Variants in ZNF385D observed in about 807,000 individuals in gnomAD.
ZNF385D encodes the protein zinc finger protein 385D.
In ZNF385D, 15 loss-of-function variants were observed where a neutral mutation model predicts 35.8. That is an observed-to-expected ratio of 0.42 (90% CI 0.28 to 0.64). The LOEUF (loss-of-function observed/expected upper bound fraction) is 0.64, where lower values mean the gene tolerates loss of function less well. ZNF385D is among the 30% of genes least tolerant of loss of function. ZNF385D has a pLI of 0.23. For synonymous variants in ZNF385D, 212 were observed against 186.8 expected (o/e 1.13, Z -1.10); for missense variants, 474 against 494.6 (o/e 0.96, Z 0.39).
chr3:22,316,168 C>T (rs917304098), intron 2 of ZNF385D, among the ~76,000 whole-genome samples: 5 of 152,190 alleles, frequency 3.3e-5, no homozygotes, highest in African/African-American at 1.2e-4. Context: ...GTTTTCCACA[C>T]TCCTGTGATT....
At chr3:21,648,560 G>C (rs1436860761) in intron 2 of ZNF385D, among the ~76,000 whole-genome samples, 2 of 152,148 alleles carry the variant, frequency 1.3e-5, no homozygotes, top group East Asian at 3.8e-4. Context: ...AATCTTCTCT[G>C]TAGTTTTGTT....
chr3:21,803,861 A>G (rs916884919), intron 3 of ZNF385D, among the ~76,000 whole-genome samples: 2 of 152,212 alleles, frequency 1.3e-5, no homozygotes, highest in Non-Finnish European at 2.9e-5. Flanking sequence ...ACAGGTTCCC[A>G]TGGGATAATT....
chr3:21,914,099 T>G (rs769286467), intron 3 of ZNF385D, among the ~76,000 whole-genome samples: 8 of 152,070 alleles, frequency 5.3e-5, no homozygotes, highest in Non-Finnish European at 7.4e-5. Flanking sequence ...GGGAGACACA[T>G]GTAGCCTACA....
chr3:21,826,040 C>A (rs899230976), intron 3 of ZNF385D, among the ~76,000 whole-genome samples: 3 of 152,232 alleles, frequency 2.0e-5, no homozygotes, highest in African/African-American at 4.8e-5. Flanking sequence ...TCCCCTCAAC[C>A]CCCCACCAGT....
intron 4 of ZNF385D, among the ~76,000 whole-genome samples, chr3:21,470,868 A>T (rs1275860012): frequency 6.6e-6 from 1 of 152,108 alleles, no homozygotes; most frequent in Non-Finnish European, 1.5e-5. Flanking sequence ...TACCTTTATA[A>T]ACCTGGAACA....
At chr3:21,553,844 TCTC>T (rs1463847247) in intron 3 of ZNF385D, among the ~76,000 whole-genome samples, 3 of 152,162 alleles carry the variant, frequency 2.0e-5, no homozygotes, top group African/African-American at 7.2e-5. Flanking sequence ...AAAAGAAGCA[TCTC>T]CTCCATGAAA....
chr3:22,100,162 T>C (rs1199343653), intron 3 of ZNF385D, among the ~76,000 whole-genome samples: 51 of 143,492 alleles, frequency 3.6e-4, no homozygotes, highest in African/African-American at 1.4e-3. Flanking sequence ...AGAATGGCAA[T>C]CATTAAAAAG....
Position 22,277,559 on chromosome 3 carries a change from A to G in ZNF385D, c.106+94891T>C, listed in dbSNP as rs369596701. On this transcript the variant is annotated intron_variant, in intron 2 of 5. Coordinates refer to the ZNF385D transcript ENST00000494108. Reference sequence around the variant, plus strand: ...AATAGTATCAAACGAATTAAAGCATAAAGTTTTTATCATGCTATTATAAGA... The same window carrying G: ...AATAGTATCAAACGAATTAAAGCATGAAGTTTTTATCATGCTATTATAAGA... Among the ~76,000 whole-genome samples, 9 of 152,280 alleles carry G rather than the reference A, an allele frequency of 5.9e-5. No homozygotes were observed. In the East Asian group the frequency reaches 1.2e-3, roughly 20 times the overall value.
intron 3 of ZNF385D, among the ~76,000 whole-genome samples, chr3:21,943,458 T>A (rs777686894): frequency 3.3e-5 from 5 of 151,810 alleles, no homozygotes; most frequent in Non-Finnish European, 5.9e-5. Context: ...AGTGACAACA[T>A]CATGGAAAAA....
chr3:22,247,067 T>A (rs553799093), intron 2 of ZNF385D, among the ~76,000 whole-genome samples: 3 of 152,142 alleles, frequency 2.0e-5, no homozygotes, highest in African/African-American at 7.2e-5. Context: ...ACACATGCAG[T>A]TTCACTTGTT....
At chr3:21,824,869 A>G (rs566067609) in intron 3 of ZNF385D, among the ~76,000 whole-genome samples, 1 of 152,334 alleles carries the variant, frequency 6.6e-6, no homozygotes, top group South Asian at 2.1e-4. Context: ...TGGTGGAGAA[A>G]TATTGAATTG....
intron 3 of ZNF385D, among the ~76,000 whole-genome samples, chr3:22,094,282 C>T (rs1576308411): frequency 1.4e-5 from 2 of 147,956 alleles, no homozygotes; most frequent in Admixed American, 1.4e-4. Context: ...TGTATTTATC[C>T]TTGAATGCAC....
At chr3:22,205,399 AG>A (rs1268921965) in intron 2 of ZNF385D, among the ~76,000 whole-genome samples, 1 of 151,890 alleles carries the variant, frequency 6.6e-6, no homozygotes, top group East Asian at 1.9e-4. Flanking sequence ...GAAAAAAAAA[AG>A]AAAACATTTA....
chr3:21,618,613 A>C (rs1351691689), intron 2 of ZNF385D, among the ~76,000 whole-genome samples: 1 of 152,194 alleles, frequency 6.6e-6, no homozygotes, highest in Non-Finnish European at 1.5e-5. Context: ...AATGAGTAAC[A>C]AATATATATT....
At chr3:22,214,329 G>A (rs188405535) in intron 2 of ZNF385D, among the ~76,000 whole-genome samples, 57 of 152,116 alleles carry the variant, frequency 3.7e-4, no homozygotes, top group African/African-American at 1.3e-3. Context: ...TGTCGCCTCA[G>A]GACCCTGTGA....
intron 2 of ZNF385D, among the ~76,000 whole-genome samples, chr3:22,292,552 C>A (rs554444853): frequency 2.0e-4 from 30 of 152,108 alleles, no homozygotes; most frequent in African/African-American, 6.7e-4. Context: ...CTATTTAAAG[C>A]AACATGCCCA....
upstream of ZNF385D, among the ~76,000 whole-genome samples, chr3:21,752,519 G>A (rs994552455): frequency 2.0e-5 from 3 of 152,026 alleles, no homozygotes; most frequent in Non-Finnish European, 2.9e-5. Flanking sequence ...TCATAATAAC[G>A]GCTTTCTGTG....
intron 2 of ZNF385D, among the ~76,000 whole-genome samples, chr3:22,235,809 T>G (rs1213013847): frequency 1.3e-5 from 2 of 151,942 alleles, no homozygotes; most frequent in Non-Finnish European, 2.9e-5. Context: ...CTGGGAGGAG[T>G]GCAAATTGGT....
At chr3:22,304,822 T>C (rs1703115338) in intron 2 of ZNF385D, among the ~76,000 whole-genome samples, 1 of 152,182 alleles carries the variant, frequency 6.6e-6, no homozygotes, top group Non-Finnish European at 1.5e-5. Context: ...GTGCCACTAC[T>C]TGCTTTCCCC....
Sources: gnomAD v4.1 joint callset for allele counts (sites outside exome capture counted in the v4.1 genomes callset) on GRCh38, gnomAD v4.1.1 for gene constraint, MANE v1.5 for transcripts, NCBI Gene and HGNC (gene_info 2026-07-23, HGNC 2026-07-21) for gene names.